Variants in ASTE1 observed in about 807,000 individuals in gnomAD.
ASTE1 encodes the protein asteroid structure-specific endonuclease 1.
A neutral mutation model predicts 45.8 loss-of-function variants in ASTE1; 49 were observed. The ratio of observed to expected loss-of-function variants is 1.07; its 90% CI spans 0.85 to 1.36. The LOEUF (loss-of-function observed/expected upper bound fraction) is 1.36, where lower values mean the gene tolerates loss of function less well. Among genes scored for constraint, ASTE1 ranks in the 40% most tolerant of loss-of-function variants. The pLI, the probability that ASTE1 is intolerant of heterozygous loss-of-function variation, is 0.00. For missense variants in ASTE1, 709 were observed against 804.0 expected, an observed-to-expected ratio of 0.88 and a Z score of 1.43; for synonymous variants, 296 against 303.9, an observed-to-expected ratio of 0.97 and a Z score of 0.27.
chr3:131,024,053 A>G lies in ASTE1; in HGVS notation c.1254T>C (p.Asp418=). The change falls in exon 3 of 6, where the codon GAT becomes GAC. Residue 418 remains aspartate, a synonymous_variant. Coordinates refer to ENST00000264992, the MANE Select transcript of ASTE1 (RefSeq NM_014065.4). The stretch of plus-strand genomic sequence containing the variant: ...AATGATCCTTGGCCAGTTCTACTGC[A>G]TCAATGATTGAGGTTCTGATATTTT... The part of the protein sequence containing the change: ...INKNIRTSII[D]AVELAKDHSD... The G allele has an allele frequency of 6.2e-7, 1 of 1,613,724 alleles. No homozygotes were observed. The highest frequency in any genetic ancestry group is 1.3e-5 in the African/African-American group (1 of 75,060).
chr3:131,022,011 C>T (rs973163924), intron 3 of ASTE1, among the ~76,000 whole-genome samples: 5 of 152,084 alleles, frequency 3.3e-5, no homozygotes, highest in South Asian at 2.1e-4. Context: ...TAGTTTTGTA[C>T]CCCTGGAAAT....
intron 5 of ASTE1, 38 bp downstream of exon 5, chr3:131,016,106 G>A (rs1161704687): frequency 4.4e-6 from 7 of 1,599,160 alleles, no homozygotes; most frequent in Non-Finnish European, 6.0e-6. Flanking sequence ...TTACTTTTGT[G>A]TGCTTCCATC....
In ASTE1 at chr3:131,015,587, T is replaced by C. The variant is rs78527157; in HGVS notation, c.1709+557A>G. On this transcript the variant is annotated intron_variant, in intron 5 of 5. Coordinates refer to ENST00000264992, the MANE Select transcript of ASTE1 (RefSeq NM_014065.4). ...CCTAGGTTAAGTTCACTTGGGCATC[T>C]ACTCATCATCTCACTTAGAATGAAA... 8.6e-3 allele frequency among the ~76,000 whole-genome samples: 1,309 copies of C among 152,314 alleles called. 21 individuals carry two copies. Among genetic ancestry groups the C allele is most frequent in the African/African-American group, 0.03 (1,244 of 41,562 alleles).
chr3:131,019,807 GT>G (rs2063718518), intron 3 of ASTE1, among the ~76,000 whole-genome samples: 1 of 152,086 alleles, frequency 6.6e-6, no homozygotes, highest in Admixed American at 6.6e-5. Flanking sequence ...TGACAAAATA[GT>G]TTTATCATTA....
chr3:131,017,016 C>A, intron 4 of ASTE1: 1 of 1,289,414 alleles, frequency 7.8e-7, no homozygotes, highest in Non-Finnish European at 1.0e-6. Flanking sequence ...AGGAGCAAGA[C>A]ACTGAGCCTG....
Position 131,014,326 on chromosome 3 carries a change from C to G in ASTE1, c.1771G>C (p.Glu591Gln). 21 of 1,613,560 alleles carry G rather than the reference C, an allele frequency of 1.3e-5. No individual in the cohort carries two copies. Among genetic ancestry groups the G allele is most frequent in the Non-Finnish European group, 1.6e-5 (19 of 1,179,838 alleles). Reference sequence around the variant, plus strand: ...TCAGGACATATGCTCAGGAGACTTTCTACAGAGGTCGATGCTAGCAGTTGC... The same window carrying G: ...TCAGGACATATGCTCAGGAGACTTTGTACAGAGGTCGATGCTAGCAGTTGC... ...CQQLLASTSVESLLSICPEAK... is the reference protein window; with the variant it reads ...CQQLLASTSVQSLLSICPEAK... Residue 591 changes from glutamate (E) to glutamine (Q), a missense_variant, in exon 6 of 6, where the codon GAA (glutamate) becomes CAA (glutamine). Glu to Gln is a conservative substitution (Grantham distance 29, BLOSUM62 2). Transcript: ENST00000264992.
At chr3:131,016,978 AAGG>A (rs992826089) in intron 4 of ASTE1, 3 of 1,288,480 alleles carry the variant, frequency 2.3e-6, no homozygotes, top group African/African-American at 1.5e-5. Flanking sequence ...AAATAATAAA[AAGG>A]AGGCCCACCT....
rs768271496 is a variant in ASTE1, at chr3:131,025,247, A to C, written c.60T>G (p.Asp20Glu). ...CAATTTTTGTGTCCCGCAACTTCAA[A>C]TCAGTGAAGAACTCATTACTATGAT... ...VEDHSNEFFT[D>E]LKLRDTKIVI... The change falls in exon 3 of 6, where the codon GAT (aspartate) becomes GAG (glutamate). Residue 20 changes from aspartate (D) to glutamate (E), a missense_variant. Transcript: ENST00000264992. The C allele has an allele frequency of 4.3e-6, 7 of 1,614,230 alleles. No individual in the cohort carries two copies. In the South Asian group the frequency reaches 6.6e-5, roughly 15 times the overall value.
intron 4 of ASTE1, chr3:131,017,028 C>T: frequency 2.3e-6 from 3 of 1,289,410 alleles, no homozygotes; most frequent in Non-Finnish European, 3.0e-6. Context: ...CTGAGCCTGC[C>T]TGGGTACAGG....
In ASTE1 at chr3:131,025,263, T is replaced by A. The variant is rs747719692; in HGVS notation, c.44A>T (p.Asn15Ile). The A allele has an allele frequency of 6.2e-7, 1 of 1,614,126 alleles. No individual in the cohort carries two copies. Among genetic ancestry groups the A allele is most frequent in the South Asian group, 1.1e-5 (1 of 91,080 alleles). ...GLMSFVEDHS[N>I]EFFTDLKLRD... is the part of the protein sequence containing the mutation. ...CAACTTCAAATCAGTGAAGAACTCA[T>A]TACTATGATCTTCCACAAAACTCAT... The change falls in exon 3 of 6, where the codon AAT (asparagine) becomes ATT (isoleucine). Residue 15 changes from asparagine to isoleucine, a missense_variant. Coordinates refer to ENST00000264992, the MANE Select transcript of ASTE1 (RefSeq NM_014065.4).
Position 131,024,303 on chromosome 3 carries a change from T to G in ASTE1, c.1004A>C (p.Lys335Thr). The change falls in exon 3 of 6, where the codon AAA becomes ACA. Residue 335 changes from lysine (K) to threonine (T), a missense_variant. By Grantham distance (78) the Lys-to-Thr change is moderately conservative (BLOSUM62 -1). Transcript: ENST00000264992. ...ACTGATGAAAGGAGATAGCTGGCCTTTAGCTAAAGCCACTAATACCCATTC... is the reference window on the plus strand; with the variant it reads ...ACTGATGAAAGGAGATAGCTGGCCTGTAGCTAAAGCCACTAATACCCATTC... ...LPEWVLVALAKGQLSPFISDA... is the reference protein window; with the variant it reads ...LPEWVLVALATGQLSPFISDA... The G allele has an allele frequency of 6.2e-7, 1 of 1,614,216 alleles. No homozygotes were observed. Among genetic ancestry groups the G allele is most frequent in the Non-Finnish European group, 8.5e-7 (1 of 1,180,052 alleles).
In ASTE1 at chr3:131,024,208, T is replaced by C. The variant is rs2063778156; in HGVS notation, c.1099A>G (p.Arg367Gly). The C allele has an allele frequency of 6.2e-7, 1 of 1,614,112 alleles. No individual in the cohort carries two copies. The highest frequency in any genetic ancestry group is 1.7e-5 in the Admixed American group (1 of 60,010). The change falls in exon 3 of 6, where the codon AGA (arginine) becomes GGA (glycine). Residue 367 changes from arginine (R) to glycine (G), a missense_variant. Transcript: ENST00000264992. ...ATTTGCCTGATGGGCTGAGATATTC[T>C]GTGGGCATTTGGTTGCTGCATGTTT... ...VENMQQPNAH[R>G]ISQPIRQIIY...
In ASTE1 at chr3:131,025,279, C is replaced by CA. The variant is rs1560066623; in HGVS notation, c.27dup (p.Val10CysfsTer5). On this transcript the variant is annotated frameshift_variant, in exon 3 of 6. Transcript: ENST00000264992. LOFTEE classifies it high-confidence loss of function. ...AAGAACTCATTACTATGATCTTCCA[C>CA]AAAACTCATTAGTCCTCGGATACCC... The CA allele has an allele frequency of 6.2e-7, 1 of 1,613,724 alleles. No homozygotes were observed. Among genetic ancestry groups the CA allele is most frequent in the South Asian group, 1.1e-5 (1 of 91,040 alleles).
rs2063447106 is a variant in ASTE1 at position 131,013,963 on chromosome 3, T to C, written c.*94A>G. 1.1e-6 allele frequency: 1 copy of C among 872,844 alleles called. No homozygotes were observed. The highest frequency in any genetic ancestry group is 1.7e-5 in the African/African-American group (1 of 58,744). 54.1% of individuals were successfully genotyped at this position (872,844 alleles called of 1,614,324 possible). A position where few individuals can be genotyped will look rare whatever the true frequency, so the allele number is the denominator to read the frequency against. Reference sequence around the variant, plus strand: ...TGATGTTTATCCCCTAACAGGTCAGTCCTAAAGAAAAAGCTAATTGTTTCA... The same window carrying C: ...TGATGTTTATCCCCTAACAGGTCAGCCCTAAAGAAAAAGCTAATTGTTTCA... On this transcript the variant is annotated 3_prime_UTR_variant, in exon 6 of 6. Coordinates refer to ENST00000264992, the MANE Select transcript of ASTE1 (RefSeq NM_014065.4).
intron 3 of ASTE1, among the ~76,000 whole-genome samples, chr3:131,020,442 A>G (rs2063727806): frequency 6.6e-6 from 1 of 152,212 alleles, no homozygotes; most frequent in Admixed American, 6.5e-5. Context: ...CTCCTTAAGA[A>G]TGATCCACTT....
chr3:131,025,315 T>C lies in ASTE1; in HGVS notation c.-9A>G. The C allele has an allele frequency of 1.2e-6, 2 of 1,601,716 alleles. No homozygotes were observed. The highest frequency in any genetic ancestry group is 8.5e-7 in the Non-Finnish European group (1 of 1,173,252). ...AGTCCTCGGATACCCATGATGACAG[T>C]CTAAAGAATTAATCGCCTGTTTAAA... On this transcript the variant is annotated 5_prime_UTR_variant, in exon 3 of 6. Transcript: ENST00000264992.
chr3:131,024,770 C>A lies in ASTE1; in HGVS notation c.537G>T (p.Gln179His), dbSNP rs757747617. 3 of 1,613,910 alleles carry A rather than the reference C, an allele frequency of 1.9e-6. No individual in the cohort carries two copies. The highest frequency in any genetic ancestry group is 3.3e-5 in the Admixed American group (2 of 59,998). The change falls in exon 3 of 6, where the codon CAG becomes CAT. Residue 179 changes from glutamine to histidine, a missense_variant. Physicochemically the swap from Gln to His is conservative, Grantham distance 24 (BLOSUM62 0). Coordinates refer to ENST00000264992, the MANE Select transcript of ASTE1 (RefSeq NM_014065.4). Reference sequence around the variant, plus strand: ...CCTTAATAGTGTTCATATTTCTCCACTGAAAGCTATTCAATGGGCAAAACC... The same window carrying A: ...CCTTAATAGTGTTCATATTTCTCCAATGAAAGCTATTCAATGGGCAAAACC... ...KTGFCPLNSF[Q>H]WRNMNTIKGT...
In ASTE1 at chr3:131,016,214, A is replaced by G; in HGVS notation, c.1639T>C (p.Ser547Pro). Residue 547 changes from serine (S) to proline (P), a missense_variant, in exon 5 of 6, where the codon TCC becomes CCC. Ser to Pro is a moderately conservative substitution (Grantham distance 74, BLOSUM62 -1). Coordinates refer to ENST00000264992, the MANE Select transcript of ASTE1 (RefSeq NM_014065.4). The stretch of plus-strand genomic sequence containing the variant: ...AGATACATCCCCATCTGGAGACAGG[A>G]CTGCCACTGACAGAAGATGTGAGCT... ...DTAHIFCQWQ[S>P]CLQMGMYLNQ... 6.2e-7 allele frequency: 1 copy of G among 1,614,148 alleles called. No individual in the cohort carries two copies. The highest frequency in any genetic ancestry group is 1.1e-5 in the South Asian group (1 of 91,076).
At position 131,025,547 on chromosome 3, in the gene ASTE1, G is replaced by T; in HGVS notation, c.-99C>A. On this transcript the variant is annotated 5_prime_UTR_variant, in exon 2 of 6. Transcript: ENST00000264992. Reference sequence around the variant, plus strand: ...TCTGATACAAGGCACAAATTCAATGGTTTCATGGGTTGTAATCTTTGGATG... The same window carrying T: ...TCTGATACAAGGCACAAATTCAATGTTTTCATGGGTTGTAATCTTTGGATG... 1 of 566,802 alleles carries T rather than the reference G, an allele frequency of 1.8e-6. No homozygotes were observed. Among genetic ancestry groups the T allele is most frequent in the Non-Finnish European group, 2.8e-6 (1 of 352,794 alleles). The allele number at this position is 566,802 out of a possible 1,614,324, so 35.1% of individuals were successfully genotyped here. A position where few individuals can be genotyped will look rare whatever the true frequency, so the allele number is the denominator to read the frequency against.
Sources: allele counts gnomAD v4.1 joint callset (sites outside exome capture counted in the v4.1 genomes callset), GRCh38; gene constraint gnomAD v4.1.1; transcripts MANE v1.5; gene names NCBI Gene and HGNC (gene_info 2026-07-23, HGNC 2026-07-21).